TAS2R1: variants seen among roughly 807,000 people sequenced by gnomAD.
TAS2R1 encodes taste receptor type 2 member 1.
For missense variants in TAS2R1, 370 were observed against 353.4 expected, an observed-to-expected ratio of 1.05 and a Z score of -0.38; for synonymous variants, 141 against 134.2, an observed-to-expected ratio of 1.05 and a Z score of -0.35.
the TAS2R1 span, among the ~76,000 whole-genome samples, chr5:9,820,995 G>A: frequency 6.6e-6 from 1 of 152,206 alleles, no homozygotes; most frequent in African/African-American, 2.4e-5. Flanking sequence ...AGGAAGAGGA[G>A]ATGCCAGCAG....
At chr5:9,803,913 G>T in the TAS2R1 span, among the ~76,000 whole-genome samples, 2 of 152,122 alleles carry the variant, frequency 1.3e-5, no homozygotes, top group African/African-American at 4.8e-5. Context: ...AATGTAAATG[G>T]TCTAAATGCT....
chr5:9,633,294 TTATATATA>T (rs200096603), upstream of TAS2R1, among the ~76,000 whole-genome samples: 676 of 67,832 alleles, frequency 1.0e-2, 56 homozygotes, highest in African/African-American at 0.044. Flanking sequence ...TGTGTGTATA[TTATATATA>T]TATATATATA....
the TAS2R1 span, among the ~76,000 whole-genome samples, chr5:9,817,728 T>G: frequency 2.0e-5 from 3 of 152,190 alleles, no homozygotes; most frequent in African/African-American, 7.2e-5. Context: ...GTAAAGACAC[T>G]ACCTGAAACT....
At chr5:9,681,205 T>C (rs1740989153) in intron 1 of TAS2R1, among the ~76,000 whole-genome samples, 1 of 152,124 alleles carries the variant, frequency 6.6e-6, no homozygotes, top group South Asian at 2.1e-4. Context: ...TTCAATATAA[T>C]AGTGCATTGG....
chr5:9,660,638 C>G (rs1255225802), intron 1 of TAS2R1, among the ~76,000 whole-genome samples: 1 of 152,122 alleles, frequency 6.6e-6, no homozygotes, highest in African/African-American at 2.4e-5. Context: ...TGTCTTAATC[C>G]CTAGGACTTG....
the TAS2R1 span, among the ~76,000 whole-genome samples, chr5:9,838,866 GGT>G: frequency 6.6e-6 from 1 of 152,164 alleles, no homozygotes; most frequent in Non-Finnish European, 1.5e-5. Context: ...CTTTTTCTGA[GGT>G]GTGTTTCAAC....
At chr5:9,869,068 G>A in the TAS2R1 span, among the ~76,000 whole-genome samples, 2 of 152,054 alleles carry the variant, frequency 1.3e-5, no homozygotes, top group African/African-American at 4.8e-5. Flanking sequence ...AAGTCTCTAG[G>A]AAGTTCCAAA....
At chr5:9,752,247 C>T in the TAS2R1 span, among the ~76,000 whole-genome samples, 1 of 152,172 alleles carries the variant, frequency 6.6e-6, no homozygotes, top group Non-Finnish European at 1.5e-5. Context: ...TGTGCAGATT[C>T]TTATAAGAAC....
chr5:9,867,115 C>G, the TAS2R1 span: 1 of 152,178 alleles, frequency 6.6e-6, no homozygotes, highest in African/African-American at 2.4e-5. Context: ...TGGTTCTTGG[C>G]TGGCATCTGG....
the TAS2R1 span, among the ~76,000 whole-genome samples, chr5:9,787,322 C>T: frequency 3.9e-5 from 6 of 152,236 alleles, no homozygotes; most frequent in African/African-American, 1.4e-4. Flanking sequence ...TAAAAGAAAA[C>T]ATCATGAAAA....
intron 2 of TAS2R1, among the ~76,000 whole-genome samples, chr5:9,648,953 C>G (rs533944270): frequency 7.2e-5 from 11 of 152,304 alleles, no homozygotes; most frequent in African/African-American, 2.2e-4. Context: ...ACTCTTTTAT[C>G]TGGCAGTGCT....
At chr5:9,631,341 G>A (rs1739869400), upstream of TAS2R1, among the ~76,000 whole-genome samples, 1 of 152,174 alleles carries the variant, frequency 6.6e-6, no homozygotes, top group Non-Finnish European at 1.5e-5. Context: ...CTGGACTCAG[G>A]TAATCCTCCT....
chr5:9,693,776 A>T (rs1226428395), intron 1 of TAS2R1, among the ~76,000 whole-genome samples: 2 of 152,148 alleles, frequency 1.3e-5, no homozygotes, highest in South Asian at 2.1e-4. Flanking sequence ...GTTGCCTTTT[A>T]AAAAAATAGG....
chr5:9,811,295 T>C, the TAS2R1 span, among the ~76,000 whole-genome samples: 1 of 152,138 alleles, frequency 6.6e-6, no homozygotes, highest in Non-Finnish European at 1.5e-5. Context: ...AACAATGAGA[T>C]GTAAATCTCT....
the TAS2R1 span, among the ~76,000 whole-genome samples, chr5:9,778,708 C>G: frequency 6.6e-6 from 1 of 152,240 alleles, no homozygotes; most frequent in South Asian, 2.1e-4. Context: ...CCTCTTCTAG[C>G]TTCCAACTTT....
At chr5:9,795,959 C>T in the TAS2R1 span, among the ~76,000 whole-genome samples, 1 of 152,164 alleles carries the variant, frequency 6.6e-6, no homozygotes, top group Non-Finnish European at 1.5e-5. Context: ...CCCAGGTCCT[C>T]TCCCTCACCG....
the TAS2R1 span, among the ~76,000 whole-genome samples, chr5:9,845,269 A>G: frequency 2.0e-5 from 3 of 152,214 alleles, no homozygotes; most frequent in Admixed American, 6.5e-5. Flanking sequence ...GGTGGCTGTC[A>G]GCAAGCTGGA....
intron 1 of TAS2R1, among the ~76,000 whole-genome samples, chr5:9,694,265 CATTTT>C (rs1386395497): frequency 4.6e-5 from 7 of 152,090 alleles, no homozygotes; most frequent in African/African-American, 1.4e-4. Context: ...AAATCAAACA[CATTTT>C]AATGCATGAA....
upstream of TAS2R1, among the ~76,000 whole-genome samples, chr5:9,635,342 G>C (rs1247972468): frequency 6.6e-6 from 1 of 152,046 alleles, no homozygotes; most frequent in African/African-American, 2.4e-5. Flanking sequence ...GTTGAATTTG[G>C]TTGGCTAGTA....
Sources: gnomAD v4.1 joint callset for allele counts (sites outside exome capture counted in the v4.1 genomes callset) on GRCh38, gnomAD v4.1.1 for gene constraint, MANE v1.5 for transcripts, NCBI Gene and HGNC (gene_info 2026-07-23, HGNC 2026-07-21) for gene names.